The following ZNF735 variants were observed in gnomAD, a reference collection of about 807,000 sequenced individuals.
ZNF735 encodes the protein putative zinc finger protein 735.
ZNF735 carries 11 observed loss-of-function variants against 13.4 expected under a neutral mutation model. That is an observed-to-expected ratio of 0.82 (90% CI 0.52 to 1.36). ZNF735 has a LOEUF of 1.36. ZNF735 is among the 40% of genes most tolerant of loss of function. The pLI is 0.00. For synonymous variants in ZNF735, 171 were observed against 162.6 expected (o/e 1.05, Z -0.39); for missense variants, 500 against 484.6 (o/e 1.03, Z -0.30).
chr7:64,219,278 G>C, intron 3 of ZNF735, 36 bp from the exon 4 acceptor site: 2 of 1,595,204 alleles, frequency 1.3e-6, no homozygotes, highest in Non-Finnish European at 1.7e-6. Context: ...TCTGAGTCTA[G>C]TAAGTGGAGT....
At chr7:64,208,310 T>G (rs1481138607) in intron 1 of ZNF735, among the ~76,000 whole-genome samples, 8 of 130,882 alleles carry the variant, frequency 6.1e-5, no homozygotes, top group Non-Finnish European at 1.2e-4. Flanking sequence ...CAGGCTGGAG[T>G]GCAGTGGTGC....
intron 1 of ZNF735, among the ~76,000 whole-genome samples, chr7:64,208,057 A>G (rs1787310611): frequency 6.6e-6 from 1 of 151,992 alleles, no homozygotes; most frequent in South Asian, 2.1e-4. Flanking sequence ...AGAGACTTGA[A>G]GAAAAGTCTG....
At chr7:64,208,301 A>T (rs1192907732) in intron 1 of ZNF735, among the ~76,000 whole-genome samples, 4 of 122,048 alleles carry the variant, frequency 3.3e-5, no homozygotes, top group African/African-American at 1.3e-4. Flanking sequence ...TCTGTCCTCC[A>T]GGCTGGAGTG....
At chr7:64,215,338 G>A (rs1279224181) in intron 3 of ZNF735, among the ~76,000 whole-genome samples, 1 of 152,140 alleles carries the variant, frequency 6.6e-6, no homozygotes, top group Non-Finnish European at 1.5e-5. Context: ...GATTACATGA[G>A]TGAGCCACTG....
exon 4 of ZNF735, chr7:64,220,002 A>T: frequency 6.2e-7 from 1 of 1,612,382 alleles, no homozygotes; most frequent in East Asian, 2.2e-5. Flanking sequence ...ACCACAAGAG[A>T]ATTCATACTG....
At chr7:64,217,158 A>G (rs1787432094) in intron 3 of ZNF735, among the ~76,000 whole-genome samples, 1 of 152,164 alleles carries the variant, frequency 6.6e-6, no homozygotes, top group Non-Finnish European at 1.5e-5. Flanking sequence ...GCACAATCAT[A>G]GAGTTCTCAC....
chr7:64,208,916 G>T (rs866375729), intron 1 of ZNF735, among the ~76,000 whole-genome samples: 1 of 152,064 alleles, frequency 6.6e-6, no homozygotes, highest in Non-Finnish European at 1.5e-5. Flanking sequence ...TCTTATAGCC[G>T]CATCATATTT....
At chr7:64,209,119 G>A (rs1787327402) in intron 1 of ZNF735, among the ~76,000 whole-genome samples, 3 of 151,980 alleles carry the variant, frequency 2.0e-5, no homozygotes. Flanking sequence ...CTGTTTTCAG[G>A]TTTTTGAAAA....
At position 64,208,258 on chromosome 7, in the gene ZNF735, T is replaced by G. The variant is rs1470735296; in HGVS notation, c.39+1017T>G. Among the ~76,000 whole-genome samples the G allele has an allele frequency of 9.8e-5, 6 of 61,328 alleles. 1 individual carries two copies. The East Asian group carries it at 2.9e-3, about 30-fold the overall frequency. The allele number at this position is 61,328 out of a possible 152,430, so 40.2% of individuals were successfully genotyped here. ...CTCCAATAAATGTTTTTTTTTTTTT[T>G]TTTTTTTTTTTTTTTTGGAGAGGGA... On this transcript the variant is annotated intron_variant, in intron 1 of 3. Coordinates refer to ENST00000429565, the Ensembl canonical transcript of ZNF735.
In ZNF735 at chr7:64,213,155, C is replaced by A. The variant is rs774677555; in HGVS notation, c.103C>A (p.His35Asn). The change falls in exon 2 of 4, where the codon CAT becomes AAT. Residue 35 changes from histidine to asparagine, a missense_variant. Coordinates refer to ENST00000429565, the Ensembl canonical transcript of ZNF735. ...TCTGGCGGAGTGGCAATGCCTGGAT[C>A]ATGCTCAGCAGAATTTATATAGAGA... 5 of 1,612,922 alleles carry A rather than the reference C, an allele frequency of 3.1e-6. No homozygotes were observed. In the East Asian group the frequency reaches 8.9e-5, roughly 29 times the overall value.
intron 3 of ZNF735, among the ~76,000 whole-genome samples, chr7:64,214,800 A>G (rs1181205027): frequency 6.6e-6 from 1 of 151,912 alleles, no homozygotes; most frequent in Non-Finnish European, 1.5e-5. Flanking sequence ...AAGAACATTC[A>G]TGATATTTTT....
At chr7:64,219,616 A>C in exon 4 of ZNF735, 1 of 1,576,054 alleles carries the variant, frequency 6.3e-7, no homozygotes. Flanking sequence ...GAAATGTAAA[A>C]AATATGGCAA....
At chr7:64,219,261 A>T in intron 3 of ZNF735, 53 bp from the exon 4 acceptor site, 1 of 1,577,064 alleles carries the variant, frequency 6.3e-7, no homozygotes, top group Non-Finnish European at 8.6e-7. Flanking sequence ...TTTGTACAGT[A>T]TATTTATCTG....
At chr7:64,212,622 T>A (rs1041314028) in intron 1 of ZNF735, among the ~76,000 whole-genome samples, 20 of 151,774 alleles carry the variant, frequency 1.3e-4, no homozygotes, top group Non-Finnish European at 2.4e-4. Flanking sequence ...GAGAAACCCC[T>A]TCTCTACTAA....
At chr7:64,208,587 G>T (rs1239194602) in intron 1 of ZNF735, among the ~76,000 whole-genome samples, 2 of 151,904 alleles carry the variant, frequency 1.3e-5, no homozygotes, top group African/African-American at 4.8e-5. Context: ...TTTATTTTAG[G>T]TTCAGGAGTA....
intron 1 of ZNF735, among the ~76,000 whole-genome samples, chr7:64,207,785 G>C: frequency 6.6e-6 from 1 of 152,128 alleles, no homozygotes; most frequent in East Asian, 1.9e-4. Context: ...TCAGGTGTTC[G>C]AGACCAGCAT....
intron 2 of ZNF735, among the ~76,000 whole-genome samples, chr7:64,213,617 T>A (rs1311180988): frequency 6.6e-6 from 1 of 152,300 alleles, no homozygotes; most frequent in Non-Finnish European, 1.5e-5. Flanking sequence ...AATTTTCTAT[T>A]ATATCCTTTT....
At chr7:64,209,976 TG>T (rs1584212669) in intron 1 of ZNF735, among the ~76,000 whole-genome samples, 1 of 152,316 alleles carries the variant, frequency 6.6e-6, no homozygotes, top group South Asian at 2.1e-4. Flanking sequence ...GTATGTTTTT[TG>T]TATTGAATTA....
rs1325894069 is a variant in ZNF735, at chr7:64,208,246, T to G, written c.39+1005T>G. 5.7e-4 allele frequency among the ~76,000 whole-genome samples: 23 copies of G among 40,520 alleles called. 1 individual carries two copies. The highest frequency in any genetic ancestry group is 5.1e-3 in the East Asian group (5 of 990). The allele number at this position is 40,520 out of a possible 152,430, so 26.6% of individuals were successfully genotyped here. ...CAAGATAGTAATCTCCAATAAATGT[T>G]TTTTTTTTTTTTTTTTTTTTTTTTT... On this transcript the variant is annotated intron_variant, in intron 1 of 3. Transcript: ENST00000429565.
Sources: gnomAD v4.1 joint callset for allele counts (sites outside exome capture counted in the v4.1 genomes callset) on GRCh38, gnomAD v4.1.1 for gene constraint, MANE v1.5 for transcripts, NCBI Gene and HGNC (gene_info 2026-07-23, HGNC 2026-07-21) for gene names.